ERBB4: variants seen among roughly 807,000 people sequenced by gnomAD.
ERBB4 encodes erb-b2 receptor tyrosine kinase 4.
A neutral mutation model predicts 158.0 loss-of-function variants in ERBB4; 42 were observed. The observed-to-expected ratio is 0.27, with a 90% confidence interval of 0.21 to 0.34. ERBB4 has a LOEUF of 0.34. ERBB4 is among the 10% of genes least tolerant of loss of function. The pLI is 1.00. For missense variants in ERBB4, 1,333 were observed against 1,624.1 expected, an observed-to-expected ratio of 0.82 and a Z score of 3.08; for synonymous variants, 583 against 558.7, an observed-to-expected ratio of 1.04 and a Z score of -0.61.
chr2:211,487,102 T>A (rs1328945312), intron 20 of ERBB4, among the ~76,000 whole-genome samples: 1 of 151,408 alleles, frequency 6.6e-6, no homozygotes, highest in Non-Finnish European at 1.5e-5. Flanking sequence ...ACCCATTAAC[T>A]CGTCATTTAC....
At chr2:212,244,228 A>G (rs1242424970) in intron 1 of ERBB4, among the ~76,000 whole-genome samples, 1 of 152,170 alleles carries the variant, frequency 6.6e-6, no homozygotes, top group East Asian at 1.9e-4. Flanking sequence ...AAAATAAATA[A>G]TGAAATCATT....
chr2:211,649,339 G>A (rs1266886563), intron 16 of ERBB4, among the ~76,000 whole-genome samples: 1 of 151,794 alleles, frequency 6.6e-6, no homozygotes, highest in African/African-American at 2.4e-5. Context: ...ACCTGATATA[G>A]ATACATATTA....
intron 1 of ERBB4, among the ~76,000 whole-genome samples, chr2:212,465,301 C>T (rs1422291663): frequency 6.6e-6 from 1 of 151,778 alleles, no homozygotes; most frequent in Non-Finnish European, 1.5e-5. Flanking sequence ...AAAGTTAAGC[C>T]CTGACAACTT....
At chr2:211,987,344 A>AAAAAAAAG (rs71054158) in intron 2 of ERBB4, among the ~76,000 whole-genome samples, 2 of 150,050 alleles carry the variant, frequency 1.3e-5, no homozygotes, top group African/African-American at 4.9e-5. Flanking sequence ...AAAAAAAAAA[A>AAAAAAAAG]GAAAGAAATC....
chr2:212,459,027 T>A (rs764219356), intron 1 of ERBB4, among the ~76,000 whole-genome samples: 1 of 152,138 alleles, frequency 6.6e-6, no homozygotes, highest in Non-Finnish European at 1.5e-5. Flanking sequence ...GCTAATTAGC[T>A]CCTTTGGATA....
intron 3 of ERBB4, among the ~76,000 whole-genome samples, chr2:211,850,815 T>G (rs899939669): frequency 7.9e-5 from 12 of 151,972 alleles, no homozygotes; most frequent in African/African-American, 2.7e-4. Flanking sequence ...CAGCACTATC[T>G]AAAATTATTT....
chr2:211,379,579 A>AT lies in ERBB4; in HGVS notation c.*4035dup. On this transcript the variant is annotated 3_prime_UTR_variant, in exon 28 of 28. Coordinates refer to ENST00000342788, the MANE Select transcript of ERBB4 (RefSeq NM_005235.3). ...TATATCCTGCATTTAACTTTGTTAC[A>AT]TTATACTTGTGGTTAGTTTTCTAGT... 1 of 231,114 alleles carries AT rather than the reference A, an allele frequency of 4.3e-6. No individual in the cohort carries two copies. The highest frequency in any genetic ancestry group is 8.6e-6 in the Non-Finnish European group (1 of 116,826). 14.3% of individuals were successfully genotyped at this position (231,114 alleles called of 1,614,324 possible). A position where few individuals can be genotyped will look rare whatever the true frequency, so the allele number is the denominator to read the frequency against.
intron 3 of ERBB4, among the ~76,000 whole-genome samples, chr2:211,827,925 C>A (rs144885884): frequency 3.1e-4 from 47 of 152,266 alleles, no homozygotes; most frequent in African/African-American, 1.0e-3. Context: ...CATGATCATT[C>A]TAGGCCAGCC....
At chr2:212,037,614 A>G (rs1546717) in intron 2 of ERBB4, among the ~76,000 whole-genome samples, 107,424 of 152,150 alleles carry the variant, frequency 0.71, 43,035 homozygotes, top group East Asian at 0.93. Flanking sequence ...GAAATGCCAC[A>G]GGCTGAATAT....
At chr2:212,091,513 T>C (rs1311877467) in intron 2 of ERBB4, among the ~76,000 whole-genome samples, 2 of 152,124 alleles carry the variant, frequency 1.3e-5, no homozygotes, top group African/African-American at 2.4e-5. Context: ...TGTAACTCCC[T>C]CTTAACACTG....
intron 1 of ERBB4, among the ~76,000 whole-genome samples, chr2:212,406,648 G>T (rs981760147): frequency 6.6e-6 from 1 of 152,064 alleles, no homozygotes; most frequent in Admixed American, 6.6e-5. Flanking sequence ...CGCCTTTGTT[G>T]CTCACTGTTA....
chr2:212,097,122 G>A (rs1281954820), intron 2 of ERBB4, among the ~76,000 whole-genome samples: 2 of 152,124 alleles, frequency 1.3e-5, no homozygotes, highest in Non-Finnish European at 2.9e-5. Context: ...ATATTGAGAT[G>A]AAAGATAAAT....
At chr2:211,939,883 C>T (rs1331832031) in intron 3 of ERBB4, among the ~76,000 whole-genome samples, 1 of 150,804 alleles carries the variant, frequency 6.6e-6, no homozygotes, top group East Asian at 2.0e-4. Flanking sequence ...GGAGGTGGAG[C>T]TTGCAGTGAG....
chr2:211,382,945 C>T lies in ERBB4; in HGVS notation c.*670G>A, dbSNP rs1448757533. Reference sequence around the variant, plus strand: ...AATAGGGGAGCAAATATAAAGGAATCGGTCAGAGCAAAACAAAATGAAAAA... The same window carrying T: ...AATAGGGGAGCAAATATAAAGGAATTGGTCAGAGCAAAACAAAATGAAAAA... On this transcript the variant is annotated 3_prime_UTR_variant, in exon 28 of 28. Coordinates refer to ENST00000342788, the MANE Select transcript of ERBB4 (RefSeq NM_005235.3). 10 of 232,074 alleles carry T rather than the reference C, an allele frequency of 4.3e-5. No individual in the cohort carries two copies. Among genetic ancestry groups the T allele is most frequent in the African/African-American group, 1.5e-4 (7 of 45,166 alleles). The allele number at this position is 232,074 out of a possible 1,614,324, so 14.4% of individuals were successfully genotyped here.
intron 1 of ERBB4, among the ~76,000 whole-genome samples, chr2:212,413,684 T>C (rs1198512042): frequency 1.3e-5 from 2 of 152,142 alleles, no homozygotes; most frequent in Non-Finnish European, 2.9e-5. Flanking sequence ...CATTATTCAG[T>C]TCATGTTTGT....
At chr2:211,748,630 G>A (rs1293810707) in intron 5 of ERBB4, among the ~76,000 whole-genome samples, 1 of 152,190 alleles carries the variant, frequency 6.6e-6, no homozygotes, top group African/African-American at 2.4e-5. Flanking sequence ...GTGTGGTTGG[G>A]CCCACCAGAG....
At chr2:212,059,113 G>A (rs1355135847) in intron 2 of ERBB4, among the ~76,000 whole-genome samples, 1 of 152,078 alleles carries the variant, frequency 6.6e-6, no homozygotes, top group South Asian at 2.1e-4. Flanking sequence ...CAAAATCAAT[G>A]GGCAAAAATC....
rs935359967 is a variant in ERBB4, at chr2:212,437,042, G to C, written c.82+101407C>G. ...AGGGCCATGTAAACGCCAAAGACTG[G>C]TTGTAAAGCAAACCGTATAATCTCA... is the stretch of plus-strand genomic sequence containing the variant. On this transcript the variant is annotated intron_variant, in intron 1 of 27. Coordinates refer to ENST00000342788, the MANE Select transcript of ERBB4 (RefSeq NM_005235.3). Among the ~76,000 whole-genome samples the C allele has an allele frequency of 2.0e-5, 3 of 152,008 alleles. 1 individual carries two copies. The highest frequency in any genetic ancestry group is 4.4e-5 in the Non-Finnish European group (3 of 67,968).
rs1261433605 is a variant in ERBB4, at chr2:212,365,622, AAAG to A, written c.82+172824_82+172826del. On this transcript the variant is annotated intron_variant, in intron 1 of 27. Coordinates refer to ENST00000342788, the MANE Select transcript of ERBB4 (RefSeq NM_005235.3). ...ACAAATAGCTTTATGAGGTATAAAAAAAGAAGAAGTATATGTAGGAAATATTAT... is the reference window on the plus strand; with the variant it reads ...ACAAATAGCTTTATGAGGTATAAAAAAAGAAGTATATGTAGGAAATATTAT... Among the ~76,000 whole-genome samples the A allele has an allele frequency of 2.8e-4, 42 of 152,024 alleles. No individual in the cohort carries two copies. The Middle Eastern group carries it at 0.01, about 37-fold the overall frequency.
Sources: gnomAD v4.1 joint callset for allele counts (sites outside exome capture counted in the v4.1 genomes callset) on GRCh38, gnomAD v4.1.1 for gene constraint, MANE v1.5 for transcripts, NCBI Gene and HGNC (gene_info 2026-07-23, HGNC 2026-07-21) for gene names.